PTGES3: variants seen among roughly 807,000 people sequenced by gnomAD.
PTGES3 encodes the protein Hsp90 co-chaperone.
A neutral mutation model predicts 29.9 loss-of-function variants in PTGES3; 5 were observed. The observed-to-expected ratio is 0.17, with a 90% CI of 0.09 to 0.35. The LOEUF (loss-of-function observed/expected upper bound fraction) is 0.35, where lower values mean the gene tolerates loss of function less well. Ranked by LOEUF, PTGES3 falls within the 10% of genes least tolerant of loss-of-function variation. PTGES3 has a pLI of 1.00. For synonymous variants in PTGES3, 49 were observed against 57.8 expected, an observed-to-expected ratio of 0.85 and a Z score of 0.69; for missense variants, 128 against 190.0, an observed-to-expected ratio of 0.67 and a Z score of 1.92.
intron 5 of PTGES3, among the ~76,000 whole-genome samples, chr12:56,669,934 C>T (rs192190431): frequency 1.5e-4 from 21 of 142,324 alleles, no homozygotes; most frequent in African/African-American, 5.5e-4. Context: ...TATTTTATGA[C>T]TTCAAAATCC....
In PTGES3 at chr12:56,663,555, C is replaced by CATAAAAATT. The variant is rs1951683008; in HGVS notation, c.*915_*923dup. 6.6e-6 allele frequency: 1 copy of CATAAAAATT among 152,442 alleles called. No homozygotes were observed. The highest frequency in any genetic ancestry group is 2.1e-4 in the South Asian group (1 of 4,832). 9.4% of individuals were successfully genotyped at this position (152,442 alleles called of 1,614,324 possible). A position where few individuals can be genotyped will look rare whatever the true frequency, so the allele number is the denominator to read the frequency against. ...ACTCCATTCCAGTAAATGGTAAATA[C>CATAAAAATT]ATAAAAATTACAGTAAGCCAGACAC... On this transcript the variant is annotated 3_prime_UTR_variant, in exon 8 of 8. Transcript: ENST00000262033.
intron 1 of PTGES3, among the ~76,000 whole-genome samples, chr12:56,682,265 T>C (rs1357083526): frequency 6.6e-6 from 1 of 152,116 alleles, no homozygotes; most frequent in African/African-American, 2.4e-5. Context: ...GAGCATATGC[T>C]GAAGGTGAAG....
intron 1 of PTGES3, among the ~76,000 whole-genome samples, chr12:56,682,625 C>CA (rs1169719387): frequency 6.7e-6 from 1 of 149,684 alleles, no homozygotes; most frequent in Non-Finnish European, 1.5e-5. Context: ...CAGCAGCTCA[C>CA]ACCTGTAAAC....
At chr12:56,678,887 T>G (rs1362461852) in intron 1 of PTGES3, among the ~76,000 whole-genome samples, 1 of 151,880 alleles carries the variant, frequency 6.6e-6, no homozygotes, top group Admixed American at 6.6e-5. Context: ...GAGGCCAAGG[T>G]GAGAGTATCA....
chr12:56,676,887 C>CT (rs1455646851), intron 1 of PTGES3, among the ~76,000 whole-genome samples: 2 of 127,770 alleles, frequency 1.6e-5, no homozygotes, highest in Non-Finnish European at 3.1e-5. Flanking sequence ...TGCCACTGCA[C>CT]TGCAGCCTGG....
intron 1 of PTGES3, 164 bp downstream of exon 1, chr12:56,687,834 C>T (rs1952955419): frequency 4.8e-6 from 7 of 1,465,140 alleles, no homozygotes; most frequent in Non-Finnish European, 6.3e-6. Flanking sequence ...AAATGTCCTC[C>T]ACCCGCCAAC....
intron 1 of PTGES3, among the ~76,000 whole-genome samples, chr12:56,682,797 T>C (rs577386762): frequency 4.3e-4 from 64 of 150,260 alleles, no homozygotes; most frequent in Middle Eastern, 3.6e-3. Context: ...GGTGGGATGA[T>C]TGCCTGAGCA....
chr12:56,683,471 C>T (rs1209305385), intron 1 of PTGES3, among the ~76,000 whole-genome samples: 2 of 11,002 alleles, frequency 1.8e-4, no homozygotes, highest in East Asian at 9.0e-3. Flanking sequence ...GAAACTCTGT[C>T]TCAAAAAAAA....
intron 1 of PTGES3, among the ~76,000 whole-genome samples, chr12:56,682,782 G>A (rs11171933): frequency 0.045 from 6,663 of 149,706 alleles, 208 homozygotes; most frequent in Non-Finnish European, 0.068. Context: ...ACTTTGGAAG[G>A]CCAAGGTGGG....
chr12:56,682,071 TCCTGAC>T (rs1423203834), intron 1 of PTGES3, among the ~76,000 whole-genome samples: 1 of 151,996 alleles, frequency 6.6e-6, no homozygotes, highest in African/African-American at 2.4e-5. Flanking sequence ...AGTCTGGAAC[TCCTGAC>T]CACAAGTGAC....
intron 6 of PTGES3, chr12:56,665,037 C>G: frequency 2.0e-6 from 2 of 985,348 alleles, no homozygotes; most frequent in Non-Finnish European, 2.4e-6. Flanking sequence ...GACAATTTAG[C>G]CCACCCGTTG....
intron 6 of PTGES3, 70 bp from the exon 7 acceptor site, chr12:56,664,870 A>C: frequency 6.4e-7 from 1 of 1,571,640 alleles, no homozygotes; most frequent in Non-Finnish European, 8.6e-7. Flanking sequence ...TTTACCTAAA[A>C]AAGTTCAAGT....
At chr12:56,687,252 C>G (rs536765064) in intron 1 of PTGES3, 1 of 1,010,484 alleles carries the variant, frequency 9.9e-7, no homozygotes, top group Non-Finnish European at 1.2e-6. Flanking sequence ...AACCTCACCT[C>G]AAGTAGAACA....
chr12:56,683,337 G>A (rs1453517278), intron 1 of PTGES3, among the ~76,000 whole-genome samples: 1 of 151,698 alleles, frequency 6.6e-6, no homozygotes, highest in African/African-American at 2.4e-5. Flanking sequence ...GCCGGGCATG[G>A]TGGCGCATGC....
chr12:56,678,731 T>C (rs562561163), intron 1 of PTGES3, among the ~76,000 whole-genome samples: 17 of 152,310 alleles, frequency 1.1e-4, no homozygotes, highest in African/African-American at 4.1e-4. Flanking sequence ...ACCTTTTAGA[T>C]AGGACTATAG....
intron 1 of PTGES3, among the ~76,000 whole-genome samples, chr12:56,680,352 GGT>G (rs988952213): frequency 1.3e-5 from 2 of 151,664 alleles, no homozygotes; most frequent in Admixed American, 6.6e-5. Context: ...TGGGATTATA[GGT>G]GTGAGTCACT....
Position 56,688,041 on chromosome 12 carries a change from T to C in PTGES3, c.-42A>G, listed in dbSNP as rs747584782. On this transcript the variant is annotated 5_prime_UTR_variant, in exon 1 of 8. Transcript: ENST00000262033. Reference sequence around the variant, plus strand: ...GGACGGGCGAACTGGTGGGCGGGCCTCTCTGGCGGCGGCTGCTGCTAGGGA... The same window carrying C: ...GGACGGGCGAACTGGTGGGCGGGCCCCTCTGGCGGCGGCTGCTGCTAGGGA... 3 of 1,504,862 alleles carry C rather than the reference T, an allele frequency of 2.0e-6. No individual in the cohort carries two copies. The highest frequency in any genetic ancestry group is 2.7e-6 in the Non-Finnish European group (3 of 1,125,770). The allele number at this position is 1,504,862 out of a possible 1,614,324, so 93.2% of individuals were successfully genotyped here.
chr12:56,683,263 C>T (rs1404173272), intron 1 of PTGES3, among the ~76,000 whole-genome samples: 1 of 150,740 alleles, frequency 6.6e-6, no homozygotes, highest in African/African-American at 2.4e-5. Context: ...GGCGGGTGAT[C>T]ACCTGAAGTC....
intron 5 of PTGES3, among the ~76,000 whole-genome samples, chr12:56,668,236 A>C (rs1951860744): frequency 6.6e-6 from 1 of 152,230 alleles, no homozygotes; most frequent in Admixed American, 6.5e-5. Flanking sequence ...GAATGAAATG[A>C]GTAACTGGGA....
Sources: allele counts gnomAD v4.1 joint callset (sites outside exome capture counted in the v4.1 genomes callset), GRCh38; gene constraint gnomAD v4.1.1; transcripts MANE v1.5; gene names NCBI Gene and HGNC (gene_info 2026-07-23, HGNC 2026-07-21).